SLC2A9: variants seen among roughly 807,000 people sequenced by gnomAD.
SLC2A9 encodes the protein solute carrier family 2 member 9, also known as solute carrier family 2, facilitated glucose transporter member 9.
In SLC2A9, 39 loss-of-function variants were observed where a neutral mutation model predicts 50.6. The ratio of observed to expected loss-of-function variants is 0.77; its 90% CI spans 0.60 to 1.01. SLC2A9 has a LOEUF of 1.01. Among genes scored for constraint, SLC2A9 ranks in the 50% least tolerant of loss-of-function variants. The pLI, the probability that SLC2A9 is intolerant of heterozygous loss-of-function variation, is 0.00. For synonymous variants in SLC2A9, 324 were observed against 276.9 expected, an observed-to-expected ratio of 1.17 and a Z score of -1.69; for missense variants, 686 against 677.6, an observed-to-expected ratio of 1.01 and a Z score of -0.14.
chr4:9,905,368 G>C (rs1198028218), intron 8 of SLC2A9, among the ~76,000 whole-genome samples: 2 of 152,206 alleles, frequency 1.3e-5, no homozygotes, highest in Admixed American at 6.5e-5. Context: ...CCAGCACAGG[G>C]CCAACAGCCT....
At chr4:9,802,244 G>A (rs1721513187) in intron 3 of SLC2A9, among the ~76,000 whole-genome samples, 1 of 151,274 alleles carries the variant, frequency 6.6e-6, no homozygotes, top group Admixed American at 6.6e-5. Flanking sequence ...AAAGGGTTTG[G>A]GAGAAATGTT....
chr4:9,792,385 A>G (rs1443604186), intron 3 of SLC2A9, among the ~76,000 whole-genome samples: 2 of 149,908 alleles, frequency 1.3e-5, no homozygotes, highest in African/African-American at 4.9e-5. Flanking sequence ...ACAAGATTGC[A>G]CTACGTCACC....
chr4:9,797,758 A>C (rs1461368001), downstream of SLC2A9, among the ~76,000 whole-genome samples: 1 of 152,208 alleles, frequency 6.6e-6, no homozygotes, highest in Non-Finnish European at 1.5e-5. Flanking sequence ...TGTCCACAGC[A>C]CCAAACACTT....
At chr4:9,801,447 T>C (rs923424218) in intron 3 of SLC2A9, among the ~76,000 whole-genome samples, 4 of 152,372 alleles carry the variant, frequency 2.6e-5, no homozygotes, top group African/African-American at 9.6e-5. Context: ...GTTTTTGAGC[T>C]GGTTTACACA....
At chr4:9,865,425 CA>C (rs1560209304) in intron 10 of SLC2A9, among the ~76,000 whole-genome samples, 1 of 152,160 alleles carries the variant, frequency 6.6e-6, no homozygotes, top group East Asian at 1.9e-4. Context: ...GGTTTGTGAA[CA>C]AAACAAATTT....
chr4:9,988,027 A>G (rs1389018572), intron 3 of SLC2A9, among the ~76,000 whole-genome samples: 1 of 152,196 alleles, frequency 6.6e-6, no homozygotes, highest in Non-Finnish European at 1.5e-5. Context: ...TTCCAAGGAG[A>G]GGAATGACAC....
intron 5 of SLC2A9, among the ~76,000 whole-genome samples, chr4:9,954,643 G>A (rs561827070): frequency 1.3e-5 from 2 of 152,230 alleles, no homozygotes; most frequent in South Asian, 4.1e-4. Context: ...AGACCCAAAT[G>A]TTCCCTTGGG....
rs199806362 is a variant in SLC2A9 at position 9,806,479 on chromosome 4, T to TG, written n.421-7239dup. Among the ~76,000 whole-genome samples, 888 of 152,364 alleles carry TG rather than the reference T, an allele frequency of 5.8e-3. 6 individuals are homozygous for TG. Among genetic ancestry groups the TG allele is most frequent in the African/African-American group, 0.02 (827 of 41,572 alleles). On this transcript the variant is annotated intron_variant and non_coding_transcript_variant, in intron 3 of 3. Transcript: ENST00000503280. ...GTCAGTAAATATGTGGGTAAATCTC[T>TG]GTTCGGGGCTGTCAGCTCTGAAGGC...
intron 7 of SLC2A9, among the ~76,000 whole-genome samples, chr4:9,909,891 C>G (rs770463819): frequency 6.6e-6 from 1 of 152,244 alleles, no homozygotes. Flanking sequence ...CATAACCTGT[C>G]AGGTCCAACG....
At chr4:9,894,537 T>C (rs1303032749) in intron 8 of SLC2A9, among the ~76,000 whole-genome samples, 2 of 152,266 alleles carry the variant, frequency 1.3e-5, no homozygotes, top group Admixed American at 6.5e-5. Context: ...AGTTGAAGTG[T>C]TGGATGCAAA....
chr4:10,038,363 T>C (rs1291808851), intron 1 of SLC2A9, among the ~76,000 whole-genome samples: 9 of 150,924 alleles, frequency 6.0e-5, no homozygotes, highest in Non-Finnish European at 1.0e-4. Flanking sequence ...CAAAAATTAG[T>C]GGATATGGTG....
chr4:9,832,112 G>A (rs1176799957), intron 11 of SLC2A9, among the ~76,000 whole-genome samples: 1 of 152,208 alleles, frequency 6.6e-6, no homozygotes, highest in Non-Finnish European at 1.5e-5. Context: ...CGAGGCCCGA[G>A]TAGATGAACA....
intron 10 of SLC2A9, among the ~76,000 whole-genome samples, chr4:9,870,894 C>T (rs961634634): frequency 9.2e-5 from 14 of 152,190 alleles, no homozygotes; most frequent in South Asian, 2.1e-4. Flanking sequence ...AAGTATCTAG[C>T]GCTGACCAAG....
At chr4:9,809,281 T>C (rs1722538420) in intron 3 of SLC2A9, among the ~76,000 whole-genome samples, 2 of 152,192 alleles carry the variant, frequency 1.3e-5, no homozygotes, top group Admixed American at 1.3e-4. Context: ...CTGGGTATCA[T>C]ATCCTGTTGT....
intron 1 of SLC2A9, among the ~76,000 whole-genome samples, chr4:10,036,663 G>T (rs1205256881): frequency 2.0e-5 from 3 of 152,126 alleles, no homozygotes; most frequent in Non-Finnish European, 2.9e-5. Flanking sequence ...GGTCATTTGG[G>T]TTTTCTCCCT....
At chr4:9,952,188 T>C (rs1750419825) in intron 5 of SLC2A9, among the ~76,000 whole-genome samples, 1 of 152,228 alleles carries the variant, frequency 6.6e-6, no homozygotes, top group South Asian at 2.1e-4. Flanking sequence ...AGGGGCTTTA[T>C]AAGTGCTTGA....
intron 2 of SLC2A9, among the ~76,000 whole-genome samples, chr4:10,003,973 C>G (rs1760325594): frequency 6.6e-6 from 1 of 152,214 alleles, no homozygotes; most frequent in South Asian, 2.1e-4. Context: ...CACAGAGCCA[C>G]AAGGGGCCCT....
At chr4:9,815,278 C>T (rs554845170) in intron 3 of SLC2A9, among the ~76,000 whole-genome samples, 2 of 152,340 alleles carry the variant, frequency 1.3e-5, no homozygotes, top group East Asian at 3.9e-4. Context: ...GAGGCACCTG[C>T]GCCCCACAGA....
At chr4:9,827,807 G>A (rs1407886372) in intron 11 of SLC2A9, among the ~76,000 whole-genome samples, 2 of 152,196 alleles carry the variant, frequency 1.3e-5, no homozygotes, top group East Asian at 1.9e-4. Context: ...TGTGGAGAAG[G>A]GGGAGAGTAT....
Sources: allele counts gnomAD v4.1 joint callset (sites outside exome capture counted in the v4.1 genomes callset), GRCh38; gene constraint gnomAD v4.1.1; transcripts MANE v1.5; gene names NCBI Gene and HGNC (gene_info 2026-07-23, HGNC 2026-07-21).